Variants in RABGAP1 observed in about 807,000 individuals in gnomAD.
RABGAP1 encodes RAB GTPase activating protein 1, also known as rab GTPase-activating protein 1.
RABGAP1 carries 23 observed loss-of-function variants against 137.6 expected under a neutral mutation model. That is an observed-to-expected ratio of 0.17 (90% CI 0.12 to 0.24). RABGAP1 has a LOEUF of 0.24. Among genes scored for constraint, RABGAP1 ranks in the 10% least tolerant of loss-of-function variants. The pLI, the probability that RABGAP1 is intolerant of heterozygous loss-of-function variation, is 1.00. For missense variants in RABGAP1, 906 were observed against 1,275.8 expected (o/e 0.71, Z 4.42); for synonymous variants, 451 against 450.7 (o/e 1.00, Z -0.01).
At chr9:122,946,473 C>T (rs1261300268) in intron 1 of RABGAP1, among the ~76,000 whole-genome samples, 1 of 152,080 alleles carries the variant, frequency 6.6e-6, no homozygotes, top group Non-Finnish European at 1.5e-5. Context: ...CTTAAAAATA[C>T]TCATATTTTT....
chr9:122,970,074 A>ATTTT (rs34261698), intron 2 of RABGAP1, among the ~76,000 whole-genome samples: 3 of 143,476 alleles, frequency 2.1e-5, no homozygotes, highest in Non-Finnish European at 1.5e-5. Flanking sequence ...TATCCGGCTA[A>ATTTT]TTTTTTTTTT....
At chr9:123,064,604 G>A (rs1434842459) in intron 13 of RABGAP1, among the ~76,000 whole-genome samples, 1 of 152,170 alleles carries the variant, frequency 6.6e-6, no homozygotes, top group Non-Finnish European at 1.5e-5. Context: ...AAAGTAGAAG[G>A]TCATATTTCT....
At chr9:122,996,325 C>A in intron 7 of RABGAP1, 174 bp downstream of exon 7, 1 of 1,225,870 alleles carries the variant, frequency 8.2e-7, no homozygotes, top group Non-Finnish European at 1.1e-6. Flanking sequence ...TATAAATAAT[C>A]AGCTAATACG....
chr9:122,994,228 C>A (rs1836901497), intron 6 of RABGAP1, among the ~76,000 whole-genome samples: 1 of 152,166 alleles, frequency 6.6e-6, no homozygotes, highest in African/African-American at 2.4e-5. Flanking sequence ...GAGGTGAACA[C>A]CCACTGATTA....
intron 6 of RABGAP1, among the ~76,000 whole-genome samples, chr9:122,993,047 A>G (rs1836822213): frequency 6.6e-6 from 1 of 151,848 alleles, no homozygotes; most frequent in Non-Finnish European, 1.5e-5. Context: ...AATGTTCTCC[A>G]ACATACTGTG....
At chr9:123,019,284 GAT>G (rs538070180) in intron 12 of RABGAP1, among the ~76,000 whole-genome samples, 99 of 152,260 alleles carry the variant, frequency 6.5e-4, no homozygotes, top group Non-Finnish European at 1.2e-3. Context: ...ACATACTTGA[GAT>G]ATTTTATTTT....
chr9:123,035,260 T>G, intron 13 of RABGAP1: 1 of 1,614,164 alleles, frequency 6.2e-7, no homozygotes, highest in Non-Finnish European at 8.5e-7. Context: ...GCAAGCCCGC[T>G]TCAGCAGCCA....
At chr9:122,995,883 C>T (rs1454978548) in intron 6 of RABGAP1, among the ~76,000 whole-genome samples, 158 bp from the exon 7 acceptor site, 1 of 152,096 alleles carries the variant, frequency 6.6e-6, no homozygotes, top group Non-Finnish European at 1.5e-5. Context: ...ATGATGTTTT[C>T]ACATCAAGAG....
intron 13 of RABGAP1, among the ~76,000 whole-genome samples, chr9:123,024,427 G>A (rs1428341337): frequency 1.3e-5 from 2 of 151,710 alleles, no homozygotes; most frequent in Non-Finnish European, 2.9e-5. Flanking sequence ...TGTAAGTGAT[G>A]CCAGCATATC....
At chr9:123,051,220 T>G (rs2033447758) in intron 13 of RABGAP1, among the ~76,000 whole-genome samples, 3 of 15,408 alleles carry the variant, frequency 1.9e-4, no homozygotes, top group South Asian at 2.4e-3. Flanking sequence ...ACCTTGGTTT[T>G]TTTTTTTTTT....
chr9:123,078,787 G>A (rs540415168), intron 19 of RABGAP1, among the ~76,000 whole-genome samples: 4 of 152,154 alleles, frequency 2.6e-5, no homozygotes, highest in Admixed American at 2.0e-4. Context: ...ATCTATGCTC[G>A]TCGTCAGAAT....
chr9:123,097,628 C>T, intron 21 of RABGAP1, 113 bp from the exon 22 acceptor site: 3 of 845,158 alleles, frequency 3.5e-6, no homozygotes, highest in Non-Finnish European at 3.7e-6. Context: ...ATATAATTTC[C>T]CCTCTCTGAA....
At chr9:122,996,725 A>C in intron 8 of RABGAP1, 120 bp downstream of exon 8, 3 of 827,204 alleles carry the variant, frequency 3.6e-6, no homozygotes, top group Non-Finnish European at 5.6e-6. Context: ...TAAGCTATAA[A>C]GACAACATGC....
At chr9:123,008,700 A>G (rs1216009882) in intron 10 of RABGAP1, among the ~76,000 whole-genome samples, 1 of 152,188 alleles carries the variant, frequency 6.6e-6, no homozygotes, top group Admixed American at 6.5e-5. Flanking sequence ...ATAATTATCA[A>G]TTTAGAATGA....
At chr9:123,062,771 C>G (rs1460581346) in intron 13 of RABGAP1, 3 of 151,930 alleles carry the variant, frequency 2.0e-5, no homozygotes, top group African/African-American at 7.3e-5. Context: ...AGTTGAATTT[C>G]TAAATCTCGT....
At chr9:122,957,291 G>T in intron 2 of RABGAP1, 82 bp downstream of exon 2, 1 of 1,122,294 alleles carries the variant, frequency 8.9e-7, no homozygotes, top group African/African-American at 1.6e-5. Flanking sequence ...AAACAGATAT[G>T]GGAGGAAAGT....
intron 1 of RABGAP1, among the ~76,000 whole-genome samples, chr9:122,948,233 CAG>C (rs766657270): frequency 3.9e-5 from 6 of 152,090 alleles, no homozygotes; most frequent in Admixed American, 6.5e-5. Context: ...TTTTTCTAAA[CAG>C]AGAGTAAACT....
intron 20 of RABGAP1, 39 bp from the exon 21 acceptor site, chr9:123,090,236 T>G: frequency 6.7e-7 from 1 of 1,490,960 alleles, no homozygotes; most frequent in Non-Finnish European, 9.2e-7. Flanking sequence ...TTCCATCTGA[T>G]TTTTATGTGT....
chr9:123,082,048 C>T (rs1057000996), intron 19 of RABGAP1, among the ~76,000 whole-genome samples: 1 of 151,742 alleles, frequency 6.6e-6, no homozygotes, highest in East Asian at 1.9e-4. Context: ...AAATGTCTAT[C>T]TTCTTCTCGG....
Sources: allele counts gnomAD v4.1 joint callset (sites outside exome capture counted in the v4.1 genomes callset), GRCh38; gene constraint gnomAD v4.1.1; transcripts MANE v1.5; gene names NCBI Gene and HGNC (gene_info 2026-07-23, HGNC 2026-07-21).